SLC9A5: variants seen among roughly 807,000 people sequenced by gnomAD.
SLC9A5 encodes the protein sodium/hydrogen exchanger 5.
SLC9A5 carries 52 observed loss-of-function variants against 91.7 expected under a neutral mutation model. The observed-to-expected ratio is 0.57, with a 90% CI of 0.45 to 0.71. The LOEUF is 0.71. SLC9A5 is among the 30% of genes least tolerant of loss of function. The pLI, the probability that SLC9A5 is intolerant of heterozygous loss-of-function variation, is 0.00. For missense variants in SLC9A5, 871 were observed against 1,158.9 expected, an observed-to-expected ratio of 0.75 and a Z score of 3.61; for synonymous variants, 419 against 474.5, an observed-to-expected ratio of 0.88 and a Z score of 1.52.
In SLC9A5 at chr16:67,257,074, C is replaced by T. The variant is rs2142353726; in HGVS notation, c.1296C>T (p.Ala432=). 6.2e-7 allele frequency: 1 copy of T among 1,612,758 alleles called. No individual in the cohort carries two copies. The highest frequency in any genetic ancestry group is 2.2e-5 in the East Asian group (1 of 44,878). ...TCCCTGCCAAGGACTACTTTGTAGCCACCACTATTGTAGTGGTCTTCTTCA... is the reference window on the plus strand; with the variant it reads ...TCCCTGCCAAGGACTACTTTGTAGCTACCACTATTGTAGTGGTCTTCTTCA... ...TKVPAKDYFV[A]TTIVVVFFTV... Residue 432 remains alanine (A), a synonymous_variant, in exon 7 of 16, where the codon GCC becomes GCT. Transcript: ENST00000299798. The surrounding 1 kb of genome is among the most constrained non-coding windows in gnomAD (Gnocchi z 5.1).
rs567278884 is a variant in SLC9A5 at position 67,256,913 on chromosome 16, G to A, written c.1135G>A (p.Val379Ile). The A allele has an allele frequency of 2.7e-5, 44 of 1,613,616 alleles. No individual in the cohort carries two copies. Among genetic ancestry groups the A allele is most frequent in the African/African-American group, 2.0e-4 (15 of 75,042 alleles). Residue 379 changes from valine to isoleucine, a missense_variant and splice_region_variant, in exon 7 of 16, where the codon GTA becomes ATA. Val to Ile is a conservative substitution (Grantham distance 29). Coordinates refer to ENST00000299798, the MANE Select transcript of SLC9A5 (RefSeq NM_004594.3). The surrounding 1 kb of genome is among the most constrained non-coding windows in gnomAD (Gnocchi z 4.1). ...IFILFFRALG[V>I]VLQTWVLNQF... ...CACTGGCCTCCCTCCCGCTGTAGGC[G>A]TAGTCCTGCAGACCTGGGTGCTGAA...
chr16:67,256,919 C>T lies in SLC9A5; in HGVS notation c.1141C>T (p.Leu381=), dbSNP rs780107146. Residue 381 remains leucine (L), a synonymous_variant, in exon 7 of 16, where the codon CTG becomes TTG. Coordinates refer to ENST00000299798, the MANE Select transcript of SLC9A5 (RefSeq NM_004594.3). The surrounding 1 kb of genome is among the most constrained non-coding windows in gnomAD (Gnocchi z 4.1). The part of the protein sequence containing the change: ...ILFFRALGVV[L]QTWVLNQFRL... ...CCTCCCTCCCGCTGTAGGCGTAGTCCTGCAGACCTGGGTGCTGAATCAGTT... is the reference window on the plus strand; with the variant it reads ...CCTCCCTCCCGCTGTAGGCGTAGTCTTGCAGACCTGGGTGCTGAATCAGTT... 7 of 1,613,836 alleles carry T rather than the reference C, an allele frequency of 4.3e-6. No homozygotes were observed. The highest frequency in any genetic ancestry group is 5.9e-6 in the Non-Finnish European group (7 of 1,180,012).
In SLC9A5 at chr16:67,255,866, G is replaced by A. The variant is rs2035297695; in HGVS notation, c.847G>A (p.Val283Ile). 1 of 1,613,482 alleles carries A rather than the reference G, an allele frequency of 6.2e-7. No homozygotes were observed. Among genetic ancestry groups the A allele is most frequent in the Admixed American group, 1.7e-5 (1 of 59,942 alleles). ...KRVRIIEPLL[V>I]FLLAYAAYLT... The stretch of plus-strand genomic sequence containing the variant: ...GGTCCGCATCATCGAGCCGCTGCTG[G>A]TCTTCCTCCTCGCCTACGCAGCCTA... The change falls in exon 5 of 16, where the codon GTC (valine) becomes ATC (isoleucine). Residue 283 changes from valine (V) to isoleucine (I), a missense_variant. Transcript: ENST00000299798. The surrounding 1 kb of genome is among the most constrained non-coding windows in gnomAD (Gnocchi z 4.9).
chr16:67,269,872 G>T (rs2035860474), intron 15 of SLC9A5, among the ~76,000 whole-genome samples: 1 of 152,124 alleles, frequency 6.6e-6, no homozygotes, highest in Admixed American at 6.6e-5. Context: ...TCTTAGCTCA[G>T]GTCCCCTATG....
chr16:67,270,772 T>A lies in SLC9A5; in HGVS notation c.2253T>A (p.Ile751=), dbSNP rs2035888987. The A allele has an allele frequency of 1.2e-6, 2 of 1,611,874 alleles. No homozygotes were observed. The highest frequency in any genetic ancestry group is 2.2e-5 in the South Asian group (2 of 90,862). ...SLEVCPSPRI[I]PPSPTCAEKE... ...AGGTGTGCCCAAGCCCACGAATCATTCCCCCCTCCCCAACCTGTGCAGAAA... is the reference window on the plus strand; with the variant it reads ...AGGTGTGCCCAAGCCCACGAATCATACCCCCCTCCCCAACCTGTGCAGAAA... The change falls in exon 16 of 16, where the codon ATT becomes ATA. Residue 751 remains isoleucine (I), a synonymous_variant. Transcript: ENST00000299798. This position sits in a 1 kb window ranked among gnomAD's most constrained non-coding sequence, Gnocchi z 4.3.
At chr16:67,267,958 A>G (rs1378508842) in intron 15 of SLC9A5, among the ~76,000 whole-genome samples, 1 of 152,164 alleles carries the variant, frequency 6.6e-6, no homozygotes, top group African/African-American at 2.4e-5. Context: ...TGCAAGTCTC[A>G]AATATCATAT....
Position 67,259,899 on chromosome 16 carries a change from G to A in SLC9A5, c.1795G>A (p.Val599Met). Residue 599 changes from valine (V) to methionine (M), a missense_variant, in exon 12 of 16, where the codon GTG becomes ATG. Physicochemically the swap from Val to Met is conservative, Grantham distance 21. Around this residue, in one of 3 missense-constraint regions of SLC9A5, gnomAD observed 454 missense variants for 718.3 expected, o/e 0.63. Transcript: ENST00000299798. The stretch of plus-strand genomic sequence containing the variant: ...CAGCGGCCGGGATCGTGAGGATGCT[G>A]TGATGCATCATCTGCTCTGCGGAGG... Reference protein sequence around the residue: ...VRSGRDREDAVMHHLLCGGLY... With the variant: ...VRSGRDREDAMMHHLLCGGLY... 1.9e-6 allele frequency: 3 copies of A among 1,614,052 alleles called. No individual in the cohort carries two copies. Among genetic ancestry groups the A allele is most frequent in the Non-Finnish European group, 2.5e-6 (3 of 1,179,936 alleles).
intron 2 of SLC9A5, among the ~76,000 whole-genome samples, chr16:67,253,268 A>G (rs531661399): frequency 1.6e-4 from 24 of 151,508 alleles, no homozygotes; most frequent in Non-Finnish European, 2.8e-4. Flanking sequence ...TTTCTTAACT[A>G]TATGTTGTCT....
In SLC9A5 at chr16:67,257,575, C is replaced by A. The variant is rs2035365802; in HGVS notation, c.1470C>A (p.His490Gln). ...ILAAVEDVVG[H>Q]HGYHYWRDRW... ...CTGCAGTGGAGGACGTTGTGGGGCA[C>A]CATGGCTACCACTACTGGAGGGACA... The change falls in exon 9 of 16, where the codon CAC becomes CAA. Residue 490 changes from histidine to glutamine, a missense_variant. Around this residue, in one of 3 missense-constraint regions of SLC9A5, gnomAD observed 454 missense variants for 718.3 expected, o/e 0.63. Coordinates refer to ENST00000299798, the MANE Select transcript of SLC9A5 (RefSeq NM_004594.3). The surrounding 1 kb of genome is among the most constrained non-coding windows in gnomAD (Gnocchi z 5.1). 3.7e-6 allele frequency: 6 copies of A among 1,614,000 alleles called. No homozygotes were observed. Among genetic ancestry groups the A allele is most frequent in the Non-Finnish European group, 5.1e-6 (6 of 1,180,024 alleles).
intron 1 of SLC9A5, among the ~76,000 whole-genome samples, chr16:67,251,219 TA>T (rs1163987361): frequency 6.6e-6 from 1 of 152,082 alleles, no homozygotes; most frequent in African/African-American, 2.4e-5. Flanking sequence ...GCCAAAGTTT[TA>T]AAAACTACGC....
chr16:67,257,242 C>T lies in SLC9A5; in HGVS notation c.1336-103C>T, dbSNP rs2035353277. Reference sequence around the variant, plus strand: ...GCCCTGACTTCCCAGACCTTGAGTGCAGTGGGGTAGGGGTACTGAAGCTGA... The same window carrying T: ...GCCCTGACTTCCCAGACCTTGAGTGTAGTGGGGTAGGGGTACTGAAGCTGA... On this transcript the variant is annotated intron_variant, in intron 7 of 15. Coordinates refer to ENST00000299798, the MANE Select transcript of SLC9A5 (RefSeq NM_004594.3). The surrounding 1 kb of genome is among the most constrained non-coding windows in gnomAD (Gnocchi z 5.1). 3.0e-6 allele frequency: 4 copies of T among 1,354,664 alleles called. No individual in the cohort carries two copies. The highest frequency in any genetic ancestry group is 4.2e-6 in the Non-Finnish European group (4 of 956,008). 83.9% of individuals were successfully genotyped at this position (1,354,664 alleles called of 1,614,324 possible).
intron 10 of SLC9A5, among the ~76,000 whole-genome samples, chr16:67,259,070 C>T (rs2035423415): frequency 6.6e-6 from 1 of 151,928 alleles, no homozygotes; most frequent in South Asian, 2.1e-4. Context: ...ACCGGCCTGG[C>T]CAACATAGTG....
At chr16:67,250,522 A>G (rs1418073484) in intron 1 of SLC9A5, among the ~76,000 whole-genome samples, 1 of 152,202 alleles carries the variant, frequency 6.6e-6, no homozygotes, top group Non-Finnish European at 1.5e-5. Context: ...CTTAGGGTTT[A>G]TAGCAAAAAC....
In SLC9A5 at chr16:67,249,102, C is replaced by A; in HGVS notation, c.88C>A (p.Pro30Thr). The change falls in exon 1 of 16, where the codon CCT becomes ACT. Residue 30 changes from proline (P) to threonine (T), a missense_variant. Around this residue, in one of 3 missense-constraint regions of SLC9A5, gnomAD observed 122 missense variants for 114.5 expected, o/e 1.07. Coordinates refer to ENST00000299798, the MANE Select transcript of SLC9A5 (RefSeq NM_004594.3). The part of the protein sequence containing the change: ...PTQKPESPGE[P>T]PPGLELFRWQ... Reference sequence around the variant, plus strand: ...CCAGAAGCCAGAGTCCCCGGGCGAGCCTCCCCCAGGCTTAGAGCTCTTCCG... The same window carrying A: ...CCAGAAGCCAGAGTCCCCGGGCGAGACTCCCCCAGGCTTAGAGCTCTTCCG... 1.3e-6 allele frequency: 2 copies of A among 1,542,682 alleles called. No individual in the cohort carries two copies. Among genetic ancestry groups the A allele is most frequent in the Non-Finnish European group, 1.7e-6 (2 of 1,151,116 alleles).
Position 67,271,080 on chromosome 16 carries a change from A to G in SLC9A5, c.2561A>G (p.Glu854Gly). ...SLAKAGRSRS[E>G]SSADLPQQQE... ...GCCAAGGCTGGCCGCTCTCGCAGTGAGAGCAGCGCTGACCTCCCCCAGCAG... is the reference window on the plus strand; with the variant it reads ...GCCAAGGCTGGCCGCTCTCGCAGTGGGAGCAGCGCTGACCTCCCCCAGCAG... Residue 854 changes from glutamate (E) to glycine (G), a missense_variant, in exon 16 of 16, where the codon GAG becomes GGG. Glu to Gly is a moderately conservative substitution (Grantham distance 98). Transcript: ENST00000299798. 6.2e-7 allele frequency: 1 copy of G among 1,612,494 alleles called. No individual in the cohort carries two copies. The highest frequency in any genetic ancestry group is 8.5e-7 in the Non-Finnish European group (1 of 1,178,986).
chr16:67,257,179 G>A lies in SLC9A5; in HGVS notation c.1335+66G>A. The A allele has an allele frequency of 2.0e-6, 3 of 1,498,328 alleles. No homozygotes were observed. Among genetic ancestry groups the A allele is most frequent in the Non-Finnish European group, 2.7e-6 (3 of 1,096,440 alleles). 92.8% of individuals were successfully genotyped at this position (1,498,328 alleles called of 1,614,324 possible). A position where few individuals can be genotyped will look rare whatever the true frequency, so the allele number is the denominator to read the frequency against. ...AGGCCCTGGGGGAGTCTTGGAGCCT[G>A]TGGGACAGGGGCTTCTCTTCCCGCT... is the stretch of plus-strand genomic sequence containing the variant. On this transcript the variant is annotated intron_variant, in intron 7 of 15. Coordinates refer to ENST00000299798, the MANE Select transcript of SLC9A5 (RefSeq NM_004594.3). This position sits in a 1 kb window ranked among gnomAD's most constrained non-coding sequence, Gnocchi z 5.1.
In SLC9A5 at chr16:67,266,850, CT is replaced by C. The variant is rs61525765; in HGVS notation, c.2218+642del. ...GCCACCATGCCCGGCCTATTCTTTT[CT>C]TTTTTTTTTTTTTTTTAAATGCCAT... On this transcript the variant is annotated intron_variant, in intron 15 of 15. Transcript: ENST00000299798. 4.6e-3 allele frequency among the ~76,000 whole-genome samples: 546 copies of C among 118,908 alleles called. 3 individuals are homozygous for C. Among genetic ancestry groups the C allele is most frequent in the Middle Eastern group, 0.014 (3 of 220 alleles). 78.0% of individuals were successfully genotyped at this position (118,908 alleles called of 152,430 possible). A position where few individuals can be genotyped will look rare whatever the true frequency, so the allele number is the denominator to read the frequency against.
In SLC9A5 at chr16:67,258,783, C is replaced by T. The variant is rs559051287; in HGVS notation, c.1626+336C>T. ...ATAAGAGGCTGGGCACGGTGGCTCA[C>T]GCCTGTAATCCCAGCACTGTGGGAG... is the stretch of plus-strand genomic sequence containing the variant. On this transcript the variant is annotated intron_variant, in intron 10 of 15. Transcript: ENST00000299798. The surrounding 1 kb of genome is among the most constrained non-coding windows in gnomAD (Gnocchi z 4.5). 2.3e-4 allele frequency among the ~76,000 whole-genome samples: 35 copies of T among 152,302 alleles called. No homozygotes were observed. The highest frequency in any genetic ancestry group is 4.3e-4 in the Non-Finnish European group (29 of 68,028).
At chr16:67,265,222 G>A (rs2035661353) in intron 14 of SLC9A5, 116 bp downstream of exon 14, 1 of 905,118 alleles carries the variant, frequency 1.1e-6, no homozygotes, top group East Asian at 2.5e-5. Context: ...GTGACCTGGG[G>A]CTCTTCCTCC....
Sources: allele counts gnomAD v4.1 joint callset (sites outside exome capture counted in the v4.1 genomes callset), GRCh38; gene constraint gnomAD v4.1.1; regional missense constraint gnomAD v4.1.1; non-coding constraint Gnocchi (gnomAD v3.1); transcripts MANE v1.5; gene names NCBI Gene and HGNC (gene_info 2026-07-23, HGNC 2026-07-21).